The following PSG7 variants were observed in gnomAD, a reference collection of about 807,000 sequenced individuals.
The protein encoded by PSG7 is pregnancy specific beta-1-glycoprotein 7.
Under a neutral mutation model 45.6 loss-of-function variants are expected in PSG7, and 57 were observed. The observed-to-expected ratio is 1.25, with a 90% CI of 1.01 to 1.56. The LOEUF is 1.56. Ranked by LOEUF, PSG7 falls within the 40% of genes most tolerant of loss-of-function variation. The pLI is 0.00. For missense variants in PSG7, 796 were observed against 508.4 expected (o/e 1.57, Z -5.44); for synonymous variants, 298 against 194.4 (o/e 1.53, Z -4.43).
Position 42,936,019 on chromosome 19 carries a change from T to A in PSG7, c.65-250A>T, listed in dbSNP as rs1427689375. The A allele has an allele frequency of 4.2e-6, 3 of 707,400 alleles. No homozygotes were observed. The South Asian group carries it at 8.8e-5, about 21-fold the overall frequency. The allele number at this position is 707,400 out of a possible 1,614,324, so 43.8% of individuals were successfully genotyped here. A position where few individuals can be genotyped will look rare whatever the true frequency, so the allele number is the denominator to read the frequency against. ...ATGACCCCCATTCCTTCAACACTCC[T>A]GACTTTGGCATTTTTCTGTTTGGAA... On this transcript the variant is annotated intron_variant, in intron 1 of 5. Coordinates refer to ENST00000406070, the MANE Select transcript of PSG7 (RefSeq NM_002783.3).
intron 2 of PSG7, among the ~76,000 whole-genome samples, chr19:42,934,053 T>A (rs1160577640): frequency 6.6e-6 from 1 of 151,320 alleles, no homozygotes; most frequent in Non-Finnish European, 1.5e-5. Flanking sequence ...AGCTCCTGAG[T>A]ATGTGTCTCT....
Position 42,929,639 on chromosome 19 carries a change from G to A in PSG7, c.512C>T (p.Pro171Leu). 2 of 1,612,534 alleles carry A rather than the reference G, an allele frequency of 1.2e-6. No homozygotes were observed. The highest frequency in any genetic ancestry group is 1.7e-6 in the Non-Finnish European group (2 of 1,179,240). ...ATEAVILTCD[P>L]ETPDASYLWW... The stretch of plus-strand genomic sequence containing the variant: ...CAGGTAGCTTGCATCTGGAGTCTCA[G>A]GATCACAGGTTAAAATCACAGCCTC... Residue 171 changes from proline to leucine, a missense_variant, in exon 3 of 6, where the codon CCT (proline) becomes CTT (leucine). By Grantham distance (98) the Pro-to-Leu change is moderately conservative. Coordinates refer to ENST00000406070, the MANE Select transcript of PSG7 (RefSeq NM_002783.3).
At position 42,926,596 on chromosome 19, in the gene PSG7, C is replaced by T. The variant is rs191124850; in HGVS notation, c.830G>A (p.Gly277Asp). 1.2e-6 allele frequency: 2 copies of T among 1,610,152 alleles called. No individual in the cohort carries two copies. The highest frequency in any genetic ancestry group is 2.2e-5 in the East Asian group (1 of 44,798). ...ENYTYIWWLN[G>D]QSLPVSPRVK... is the part of the protein sequence containing the mutation. Reference sequence around the variant, plus strand: ...CCTGGGACTGACCGGGAGGCTCTGACCATTTAGCCACCAAATGTAGGTGTA... The same window carrying T: ...CCTGGGACTGACCGGGAGGCTCTGATCATTTAGCCACCAAATGTAGGTGTA... The change falls in exon 4 of 6, where the codon GGT (glycine) becomes GAT (aspartate). Residue 277 changes from glycine to aspartate, a missense_variant. Gly to Asp is a moderately conservative substitution (Grantham distance 94). Coordinates refer to ENST00000406070, the MANE Select transcript of PSG7 (RefSeq NM_002783.3).
intron 3 of PSG7, chr19:42,927,339 A>C (rs1158548447): frequency 6.3e-6 from 1 of 157,872 alleles, no homozygotes; most frequent in Non-Finnish European, 1.4e-5. Flanking sequence ...ATGATGACTT[A>C]CTTGAACCAG....
chr19:42,925,586 A>C, intron 5 of PSG7, 187 bp downstream of exon 5: 1 of 1,382,878 alleles, frequency 7.2e-7, no homozygotes, highest in South Asian at 1.5e-5. Flanking sequence ...TGTTATGAAG[A>C]TATCAGCCTG....
rs1268867439 is a variant in PSG7, at chr19:42,924,811, G to C, written c.1257C>G (p.Pro419=). 5.3e-6 allele frequency: 4 copies of C among 761,688 alleles called. No individual in the cohort carries two copies. The highest frequency in any genetic ancestry group is 9.6e-6 in the Non-Finnish European group (4 of 416,012). 47.2% of individuals were successfully genotyped at this position (761,688 alleles called of 1,614,324 possible). ...GAATTGGAGGAACTAGTAGAATTCA[G>C]GGTAATGTCCAGTCTACAGTGGATA... ...VTVRVSDWTL[P] is the part of the protein sequence containing the mutation. The change falls in exon 6 of 6, where the codon CCC becomes CCG. Residue 419 remains proline (P), a synonymous_variant. Coordinates refer to ENST00000406070, the MANE Select transcript of PSG7 (RefSeq NM_002783.3).
Position 42,931,727 on chromosome 19 carries a change from A to G in PSG7, c.431-2007T>C, listed in dbSNP as rs536833858. Among the ~76,000 whole-genome samples the G allele has an allele frequency of 4.0e-5, 6 of 151,552 alleles. 1 individual carries two copies. The South Asian group carries it at 1.3e-3, about 32-fold the overall frequency. Reference sequence around the variant, plus strand: ...TGTATGTGGCACAGGCAGTAAAACCATGAGATAGCACCTACCTGGCCACCT... The same window carrying G: ...TGTATGTGGCACAGGCAGTAAAACCGTGAGATAGCACCTACCTGGCCACCT... On this transcript the variant is annotated intron_variant, in intron 2 of 5. Transcript: ENST00000406070.
In PSG7 at chr19:42,924,727, C is replaced by A; in HGVS notation, c.*81G>T. On this transcript the variant is annotated 3_prime_UTR_variant, in exon 6 of 6. Coordinates refer to ENST00000406070, the MANE Select transcript of PSG7 (RefSeq NM_002783.3). ...TTTACATTGAGTTGTCCAACTCTGA[C>A]TTATAGGGCTTCTGGAACAGAGTGG... The A allele has an allele frequency of 1.3e-6, 1 of 767,178 alleles. No individual in the cohort carries two copies. The allele number at this position is 767,178 out of a possible 1,614,324, so 47.5% of individuals were successfully genotyped here. A position where few individuals can be genotyped will look rare whatever the true frequency, so the allele number is the denominator to read the frequency against.
At position 42,924,846 on chromosome 19, in the gene PSG7, C is replaced by T. The variant is rs377645078; in HGVS notation, c.1244-22G>A. 3.9e-6 allele frequency: 3 copies of T among 762,768 alleles called. 1 individual carries two copies. In the Admixed American group the frequency reaches 5.2e-5, roughly 13 times the overall value. 47.2% of individuals were successfully genotyped at this position (762,768 alleles called of 1,614,324 possible). Reference sequence around the variant, plus strand: ...CAGTCTACAGTGGATAATAAAAACACAGAAACAATGAACAGAGCTGCAATC... The same window carrying T: ...CAGTCTACAGTGGATAATAAAAACATAGAAACAATGAACAGAGCTGCAATC... On this transcript the variant is annotated intron_variant, in intron 5 of 5. Transcript: ENST00000406070.
intron 1 of PSG7, chr19:42,936,072 C>G (rs566959136): frequency 2.5e-6 from 1 of 401,220 alleles, no homozygotes; most frequent in Admixed American, 4.1e-5. Flanking sequence ...CCGCACGGCC[C>G]CCTCCACACT....
chr19:42,927,524 G>A (rs774222527), intron 3 of PSG7: 2 of 151,594 alleles, frequency 1.3e-5, no homozygotes, highest in Admixed American at 6.6e-5. Context: ...AATACATGTG[G>A]ACATTTGCAA....
chr19:42,925,467 A>G (rs1463674326), intron 5 of PSG7: 1 of 719,098 alleles, frequency 1.4e-6, no homozygotes, highest in African/African-American at 1.8e-5. Context: ...AAAACTATCC[A>G]CATAAAGAAT....
intron 3 of PSG7, among the ~76,000 whole-genome samples, chr19:42,927,987 A>G (rs1043355667): frequency 6.6e-6 from 1 of 151,720 alleles, no homozygotes; most frequent in African/African-American, 2.4e-5. Flanking sequence ...TGATAGATTC[A>G]AAGTCTAAGA....
intron 2 of PSG7, among the ~76,000 whole-genome samples, chr19:42,931,115 A>G (rs1973011010): frequency 6.6e-6 from 1 of 151,596 alleles, no homozygotes; most frequent in South Asian, 2.1e-4. Flanking sequence ...TAATTTTCCC[A>G]TAAAATGTTG....
intron 2 of PSG7, 21 bp downstream of exon 2, chr19:42,935,383 G>C: frequency 6.2e-7 from 1 of 1,610,888 alleles, no homozygotes. Context: ...CAACACCCAG[G>C]GACCATGTGG....
At chr19:42,933,297 A>AT (rs1399711757) in intron 2 of PSG7, among the ~76,000 whole-genome samples, 14 of 13,236 alleles carry the variant, frequency 1.1e-3, no homozygotes, top group African/African-American at 2.6e-3. Flanking sequence ...ATATATATAT[A>AT]TATATATATA....
rs193249401 is a variant in PSG7, at chr19:42,937,017, G to A, written c.60C>T (p.Leu20=). The A allele has an allele frequency of 3.2e-4, 511 of 1,611,256 alleles. 21 individuals carry two copies. In the East Asian group the frequency reaches 0.011, roughly 35 times the overall value. The change falls in exon 1 of 6, where the codon CTC becomes CTT. Residue 20 remains leucine, a synonymous_variant. Transcript: ENST00000406070. ...CCCAGGAAGTTCTCTCCTCACCTGTGAGCAGGAGCCCTTTCCAGGTTATAT... is the reference window on the plus strand; with the variant it reads ...CCCAGGAAGTTCTCTCCTCACCTGTAAGCAGGAGCCCTTTCCAGGTTATAT... ...TQHITWKGLL[L]TASLLNFWNP...
chr19:42,926,907 G>C, intron 3 of PSG7, 191 bp from the exon 4 acceptor site: 1 of 1,118,308 alleles, frequency 8.9e-7, no homozygotes, highest in South Asian at 1.6e-5. Flanking sequence ...CACCTGCTCA[G>C]TCTTAGGGAA....
rs937461593 is a variant in PSG7, at chr19:42,929,639, G to T, written c.512C>A (p.Pro171His). Residue 171 changes from proline to histidine, a missense_variant, in exon 3 of 6, where the codon CCT becomes CAT. Physicochemically the swap from Pro to His is moderately conservative, Grantham distance 77. Coordinates refer to ENST00000406070, the MANE Select transcript of PSG7 (RefSeq NM_002783.3). ...CAGGTAGCTTGCATCTGGAGTCTCA[G>T]GATCACAGGTTAAAATCACAGCCTC... The part of the protein sequence containing the change: ...ATEAVILTCD[P>H]ETPDASYLWW... 6.8e-6 allele frequency: 11 copies of T among 1,612,418 alleles called. No individual in the cohort carries two copies. The African/African-American group carries it at 1.3e-4, about 20-fold the overall frequency.
Sources: allele counts gnomAD v4.1 joint callset (sites outside exome capture counted in the v4.1 genomes callset), GRCh38; gene constraint gnomAD v4.1.1; transcripts MANE v1.5; gene names NCBI Gene and HGNC (gene_info 2026-07-23, HGNC 2026-07-21).